The following CA10 variants were observed in gnomAD, a reference collection of about 807,000 sequenced individuals.
CA10 encodes the protein carbonic anhydrase 10 (inactive), also known as carbonic anhydrase-related protein 10.
In CA10, 14 loss-of-function variants were observed where a neutral mutation model predicts 44.2. The observed-to-expected ratio is 0.32, with a 90% CI of 0.21 to 0.50. The LOEUF (loss-of-function observed/expected upper bound fraction) is 0.50, where lower values mean the gene tolerates loss of function less well. Ranked by LOEUF, CA10 falls within the 20% of genes least tolerant of loss-of-function variation. The pLI is 0.99. For synonymous variants in CA10, 159 were observed against 141.6 expected (o/e 1.12, Z -0.87); for missense variants, 350 against 409.7 (o/e 0.85, Z 1.26).
At chr17:51,876,729 C>G (rs1598094950) in intron 3 of CA10, among the ~76,000 whole-genome samples, 1 of 152,062 alleles carries the variant, frequency 6.6e-6, no homozygotes, top group Non-Finnish European at 1.5e-5. Flanking sequence ...CTGAAGACTT[C>G]AGTAAAAACT....
At chr17:51,877,895 A>G (rs1290942876) in intron 3 of CA10, among the ~76,000 whole-genome samples, 1 of 152,108 alleles carries the variant, frequency 6.6e-6, no homozygotes, top group Non-Finnish European at 1.5e-5. Flanking sequence ...CTGTAATCCC[A>G]GCACTTTGGG....
At chr17:51,876,961 G>A (rs1445604603) in intron 3 of CA10, among the ~76,000 whole-genome samples, 8 of 152,196 alleles carry the variant, frequency 5.3e-5, no homozygotes, top group Admixed American at 2.6e-4. Flanking sequence ...GAACGACACC[G>A]TGGCAAATAT....
At chr17:51,874,749 G>A (rs1321182739) in intron 3 of CA10, among the ~76,000 whole-genome samples, 1 of 152,136 alleles carries the variant, frequency 6.6e-6, no homozygotes, top group East Asian at 1.9e-4. Context: ...ACAGAAAAAT[G>A]AAATGTAGAT....
At chr17:52,024,442 A>G (rs1177787070) in intron 2 of CA10, among the ~76,000 whole-genome samples, 3 of 148,394 alleles carry the variant, frequency 2.0e-5, no homozygotes, top group Non-Finnish European at 4.5e-5. Context: ...TACTAGGGCA[A>G]TGTGACCTCA....
chr17:52,019,485 A>G (rs143330912), intron 2 of CA10, among the ~76,000 whole-genome samples: 113 of 152,200 alleles, frequency 7.4e-4, no homozygotes, highest in African/African-American at 2.6e-3. Flanking sequence ...TGTCAATCCC[A>G]CAAGCAGTTT....
chr17:51,863,874 C>T (rs528480502), intron 3 of CA10, among the ~76,000 whole-genome samples: 6 of 152,274 alleles, frequency 3.9e-5, no homozygotes, highest in Non-Finnish European at 5.9e-5. Flanking sequence ...GACTGCCAAC[C>T]GGGAAAGCTC....
At chr17:52,013,178 A>C (rs1255550941) in intron 2 of CA10, among the ~76,000 whole-genome samples, 1 of 152,088 alleles carries the variant, frequency 6.6e-6, no homozygotes, top group African/African-American at 2.4e-5. Flanking sequence ...TCCATTGAAT[A>C]ACAGATTCCT....
At position 51,868,057 on chromosome 17, in the gene CA10, AACACACACACACACACACACACAC is replaced by A. The variant is rs34631877; in HGVS notation, c.279+62909_279+62932del. On this transcript the variant is annotated intron_variant, in intron 3 of 8. Coordinates refer to ENST00000451037, the MANE Select transcript of CA10 (RefSeq NM_020178.5). ...CACAGAGTTCAAATAAAGCAGGTGTAACACACACACACACACACACACACACACACACACACACAAAGATATTCT... is the reference window on the plus strand; with the variant it reads ...CACAGAGTTCAAATAAAGCAGGTGTAACACACACACACACAAAGATATTCT... 2.5e-3 allele frequency among the ~76,000 whole-genome samples: 356 copies of A among 144,938 alleles called. 2 individuals carry two copies. Among genetic ancestry groups the A allele is most frequent in the African/African-American group, 8.4e-3 (332 of 39,632 alleles).
At chr17:52,156,731 T>TC (rs1459467595) in intron 1 of CA10, among the ~76,000 whole-genome samples, 1 of 152,040 alleles carries the variant, frequency 6.6e-6, no homozygotes, top group Non-Finnish European at 1.5e-5. Context: ...GTTGGCCGAG[T>TC]CCCCACTTCT....
intron 2 of CA10, among the ~76,000 whole-genome samples, chr17:52,030,520 A>G (rs1331099920): frequency 6.6e-6 from 1 of 152,188 alleles, no homozygotes; most frequent in Non-Finnish European, 1.5e-5. Flanking sequence ...TCTCTGCTCT[A>G]AATATGCAGT....
intron 1 of CA10, among the ~76,000 whole-genome samples, chr17:52,087,314 A>G (rs188669386): frequency 6.6e-4 from 100 of 152,196 alleles, no homozygotes; most frequent in Admixed American, 1.9e-3. Context: ...CTAATTTTTC[A>G]TATTTTTAGT....
At chr17:52,144,614 A>G (rs1273545770) in intron 1 of CA10, among the ~76,000 whole-genome samples, 1 of 152,222 alleles carries the variant, frequency 6.6e-6, no homozygotes, top group Non-Finnish European at 1.5e-5. Context: ...CCTTTAAAAT[A>G]TTCCCCAAAC....
intron 4 of CA10, among the ~76,000 whole-genome samples, chr17:51,722,590 T>A (rs1474070912): frequency 6.6e-6 from 1 of 152,240 alleles, no homozygotes; most frequent in Non-Finnish European, 1.5e-5. Flanking sequence ...CCCTGTCCCC[T>A]TGCTCCTTTA....
At chr17:51,749,154 A>G (rs1904806974) in intron 3 of CA10, among the ~76,000 whole-genome samples, 1 of 152,178 alleles carries the variant, frequency 6.6e-6, no homozygotes, top group Admixed American at 6.5e-5. Context: ...GCCCCTAGAG[A>G]TTATGTGCAG....
intron 1 of CA10, among the ~76,000 whole-genome samples, chr17:52,105,044 C>A (rs1988627944): frequency 6.6e-6 from 1 of 152,070 alleles, no homozygotes; most frequent in Non-Finnish European, 1.5e-5. Context: ...GATTCTGGTT[C>A]CATTAGGCTG....
chr17:52,126,162 T>C (rs561304897), intron 1 of CA10, among the ~76,000 whole-genome samples: 1 of 152,338 alleles, frequency 6.6e-6, no homozygotes, highest in South Asian at 2.1e-4. Flanking sequence ...CATCCTATCC[T>C]GGACAAACCT....
intron 4 of CA10, among the ~76,000 whole-genome samples, chr17:51,698,960 A>G (rs1213772646): frequency 1.3e-5 from 2 of 152,060 alleles, no homozygotes; most frequent in Non-Finnish European, 2.9e-5. Context: ...TGTTGTTTCT[A>G]TATATTGGTT....
Position 51,769,642 on chromosome 17 carries a change from A to G in CA10, c.280-21824T>C, listed in dbSNP as rs887498503. Among the ~76,000 whole-genome samples, 7 of 152,208 alleles carry G rather than the reference A, an allele frequency of 4.6e-5. No individual in the cohort carries two copies. The East Asian group carries it at 1.3e-3, about 29-fold the overall frequency. Reference sequence around the variant, plus strand: ...AAATCCTATGAGACCAGCACAGTGCATCAAAGATATATTTCCAGTCATCCT... The same window carrying G: ...AAATCCTATGAGACCAGCACAGTGCGTCAAAGATATATTTCCAGTCATCCT... On this transcript the variant is annotated intron_variant, in intron 3 of 8. Coordinates refer to ENST00000451037, the MANE Select transcript of CA10 (RefSeq NM_020178.5).
intron 1 of CA10, among the ~76,000 whole-genome samples, chr17:52,122,355 A>G (rs1989031496): frequency 1.3e-5 from 2 of 152,356 alleles, no homozygotes; most frequent in East Asian, 3.9e-4. Context: ...ATAATGAGCC[A>G]TTTTAAAGCC....
Sources: allele counts gnomAD v4.1 joint callset (sites outside exome capture counted in the v4.1 genomes callset), GRCh38; gene constraint gnomAD v4.1.1; transcripts MANE v1.5; gene names NCBI Gene and HGNC (gene_info 2026-07-23, HGNC 2026-07-21).